IL1RN: variants seen among roughly 807,000 people sequenced by gnomAD.
IL1RN encodes the protein interleukin-1 receptor antagonist protein.
A neutral mutation model predicts 13.7 loss-of-function variants in IL1RN; 10 were observed. The observed-to-expected ratio is 0.73, with a 90% CI of 0.45 to 1.24. The LOEUF is 1.24. Ranked by LOEUF, IL1RN falls within the 50% of genes most tolerant of loss-of-function variation. IL1RN has a pLI of 0.00. For synonymous variants in IL1RN, 102 were observed against 82.7 expected, an observed-to-expected ratio of 1.23 and a Z score of -1.27; for missense variants, 213 against 222.1, an observed-to-expected ratio of 0.96 and a Z score of 0.26.
intron 3 of IL1RN, among the ~76,000 whole-genome samples, 156 bp downstream of exon 3, chr2:113,131,313 G>A (rs1687162147): frequency 6.6e-6 from 1 of 152,204 alleles, no homozygotes; most frequent in Admixed American, 6.5e-5. Flanking sequence ...GCTGCATTCA[G>A]CAGAGTGCCT....
intron 3 of IL1RN, among the ~76,000 whole-genome samples, 189 bp downstream of exon 3, chr2:113,131,346 T>C (rs1476955919): frequency 6.6e-6 from 1 of 152,214 alleles, no homozygotes; most frequent in Non-Finnish European, 1.5e-5. Flanking sequence ...GCATCCAAGG[T>C]GGTCCCTCAT....
At chr2:113,111,414 G>A (rs1025758778) in intron 1 of IL1RN, among the ~76,000 whole-genome samples, 9 of 152,136 alleles carry the variant, frequency 5.9e-5, no homozygotes, top group Non-Finnish European at 8.8e-5. Context: ...CAGTTTATTT[G>A]TCTGTAAAAT....
intron 1 of IL1RN, among the ~76,000 whole-genome samples, chr2:113,119,530 C>T (rs1239238938): frequency 2.0e-5 from 3 of 152,208 alleles, no homozygotes; most frequent in Non-Finnish European, 4.4e-5. Context: ...AGATCCTCCC[C>T]TGTCCCCCAG....
upstream of IL1RN, chr2:113,115,731 A>G (rs1341993642): frequency 2.0e-5 from 3 of 152,214 alleles, no homozygotes; most frequent in Non-Finnish European, 4.4e-5. Context: ...CCACTGATCC[A>G]TCAGAACTTC....
upstream of IL1RN, among the ~76,000 whole-genome samples, chr2:113,113,345 C>T (rs530823676): frequency 6.6e-6 from 1 of 152,168 alleles, no homozygotes; most frequent in Admixed American, 6.5e-5. Flanking sequence ...TGCAGGAGCT[C>T]ACTTATATGT....
At chr2:113,099,634 G>C in the IL1RN span, among the ~76,000 whole-genome samples, 1 of 151,474 alleles carries the variant, frequency 6.6e-6, no homozygotes, top group Non-Finnish European at 1.5e-5. Context: ...CACGATGTGG[G>C]TCTCCATACA....
chr2:113,106,536 G>A (rs1404552284), upstream of IL1RN, among the ~76,000 whole-genome samples: 2 of 152,180 alleles, frequency 1.3e-5, no homozygotes, highest in African/African-American at 4.8e-5. Context: ...GTGTTTACCT[G>A]TCCTAGCAAA....
upstream of IL1RN, among the ~76,000 whole-genome samples, chr2:113,108,825 A>G (rs1373646776): frequency 1.3e-5 from 2 of 152,208 alleles, no homozygotes; most frequent in Non-Finnish European, 2.9e-5. Flanking sequence ...GCAGAACTAA[A>G]ATGTTAAGAC....
At chr2:113,128,787 G>A (rs1345168925) in intron 1 of IL1RN, among the ~76,000 whole-genome samples, 1 of 152,194 alleles carries the variant, frequency 6.6e-6, no homozygotes, top group African/African-American at 2.4e-5. Context: ...GTGAGGCACA[G>A]GTCCCAGGTC....
chr2:113,124,439 GCC>G (rs4251999), upstream of IL1RN, among the ~76,000 whole-genome samples: 5 of 150,968 alleles, frequency 3.3e-5, no homozygotes, highest in South Asian at 2.1e-4. Context: ...GTGATTGACA[GCC>G]CCCCCCCTTT....
chr2:113,126,453 G>A (rs554281341), upstream of IL1RN, among the ~76,000 whole-genome samples: 2 of 152,178 alleles, frequency 1.3e-5, no homozygotes, highest in Non-Finnish European at 2.9e-5. Context: ...CTCCCGTCCA[G>A]CTCTAAAACA....
chr2:113,108,258 AT>A (rs934663787), upstream of IL1RN, among the ~76,000 whole-genome samples: 9 of 151,402 alleles, frequency 5.9e-5, no homozygotes, highest in South Asian at 2.1e-4. Context: ...GGGGTTATAA[AT>A]TTTTTTTATT....
chr2:113,116,810 T>A (rs1686604372), upstream of IL1RN, among the ~76,000 whole-genome samples: 1 of 152,200 alleles, frequency 6.6e-6, no homozygotes, highest in African/African-American at 2.4e-5. Context: ...TGTAAATGCA[T>A]GTGATTTACA....
At chr2:113,104,836 T>C (rs527403302), upstream of IL1RN, among the ~76,000 whole-genome samples, 2 of 152,178 alleles carry the variant, frequency 1.3e-5, no homozygotes, top group Non-Finnish European at 2.9e-5. Context: ...GGCAAGGTCA[T>C]GTAGCTAGTA....
At chr2:113,127,589 C>A (rs1020707994), upstream of IL1RN, 1 of 1,611,168 alleles carries the variant, frequency 6.2e-7, no homozygotes, top group African/African-American at 1.3e-5. Context: ...ACTCTGGGCC[C>A]GCAATGGCAG....
At chr2:113,124,024 G>A (rs1686869540), upstream of IL1RN, among the ~76,000 whole-genome samples, 1 of 152,178 alleles carries the variant, frequency 6.6e-6, no homozygotes, top group Non-Finnish European at 1.5e-5. Flanking sequence ...CTAAGACATG[G>A]ACAGCCTGGT....
chr2:113,119,568 G>C (rs898497637), intron 1 of IL1RN, among the ~76,000 whole-genome samples: 1 of 152,186 alleles, frequency 6.6e-6, no homozygotes, highest in Non-Finnish European at 1.5e-5. Context: ...GGTGGGTTGT[G>C]CTACAATGTT....
At chr2:113,132,006 C>G (rs888878476) in intron 3 of IL1RN, among the ~76,000 whole-genome samples, 1 of 152,166 alleles carries the variant, frequency 6.6e-6, no homozygotes, top group Non-Finnish European at 1.5e-5. Context: ...GAGCTCAAAC[C>G]CTGACAGAAC....
chr2:113,132,746 G>A lies in IL1RN; in HGVS notation c.409G>A (p.Glu137Lys). Residue 137 changes from glutamate (E) to lysine (K), a missense_variant, in exon 4 of 4, where the codon GAG becomes AAG. By Grantham distance (56) the Glu-to-Lys change is moderately conservative. Transcript: ENST00000409930. ...AGACAGTGGCCCCACCACCAGTTTTGAGTCTGCCGCCTGCCCCGGTTGGTT... is the reference window on the plus strand; with the variant it reads ...AGACAGTGGCCCCACCACCAGTTTTAAGTCTGCCGCCTGCCCCGGTTGGTT... The part of the protein sequence containing the change: ...RSDSGPTTSF[E>K]SAACPGWFLC... 6.2e-7 allele frequency: 1 copy of A among 1,614,242 alleles called. No individual in the cohort carries two copies. Among genetic ancestry groups the A allele is most frequent in the Non-Finnish European group, 8.5e-7 (1 of 1,180,038 alleles).
Sources: gnomAD v4.1 joint callset for allele counts (sites outside exome capture counted in the v4.1 genomes callset) on GRCh38, gnomAD v4.1.1 for gene constraint, MANE v1.5 for transcripts, NCBI Gene and HGNC (gene_info 2026-07-23, HGNC 2026-07-21) for gene names.